The following AGBL4 variants were observed in gnomAD, a reference collection of about 807,000 sequenced individuals.
AGBL4 encodes the protein cytosolic carboxypeptidase 6.
A neutral mutation model predicts 66.4 loss-of-function variants in AGBL4; 58 were observed. The ratio of observed to expected loss-of-function variants is 0.87; its 90% CI spans 0.71 to 1.09. AGBL4 has a LOEUF of 1.09. Ranked by LOEUF, AGBL4 falls within the 50% of genes least tolerant of loss-of-function variation. The pLI is 0.00. For synonymous variants in AGBL4, 234 were observed against 222.9 expected (o/e 1.05, Z -0.44); for missense variants, 579 against 631.0 (o/e 0.92, Z 0.88).
At chr1:49,519,922 T>C (rs914349194) in intron 3 of AGBL4, among the ~76,000 whole-genome samples, 4 of 152,196 alleles carry the variant, frequency 2.6e-5, no homozygotes, top group African/African-American at 9.6e-5. Flanking sequence ...GATTTTTTAA[T>C]GTTGTCCTTG....
chr1:50,006,577 T>C lies in AGBL4; in HGVS notation c.34+17186A>G, dbSNP rs569900798. Among the ~76,000 whole-genome samples, 43 of 149,730 alleles carry C rather than the reference T, an allele frequency of 2.9e-4. 2 individuals are homozygous for C. The South Asian group carries it at 8.6e-3, about 30-fold the overall frequency. On this transcript the variant is annotated intron_variant, in intron 1 of 13. Coordinates refer to ENST00000371839, the MANE Select transcript of AGBL4 (RefSeq NM_032785.4). ...AGCAAGAGAAAAGAAACAAATAACA[T>C]ACAATGGAGCTCCAATACACCTGGC...
chr1:49,970,226 C>T (rs563548261), intron 1 of AGBL4, among the ~76,000 whole-genome samples: 3 of 151,892 alleles, frequency 2.0e-5, no homozygotes, highest in Admixed American at 1.3e-4. Context: ...AAAACATGAG[C>T]AACAAAAGGA....
intron 1 of AGBL4, among the ~76,000 whole-genome samples, chr1:49,984,991 C>G (rs561840011): frequency 1.1e-4 from 17 of 152,278 alleles, no homozygotes; most frequent in African/African-American, 4.1e-4. Context: ...GCAAAAAACA[C>G]AGACAATTGT....
At chr1:49,039,707 C>T (rs1643893094) in intron 5 of AGBL4, among the ~76,000 whole-genome samples, 1 of 152,022 alleles carries the variant, frequency 6.6e-6, no homozygotes, top group Admixed American at 6.6e-5. Flanking sequence ...GAACTATACA[C>T]TTAAATGTAG....
intron 3 of AGBL4, among the ~76,000 whole-genome samples, chr1:49,673,712 G>T (rs541624328): frequency 9.2e-5 from 14 of 152,026 alleles, no homozygotes; most frequent in South Asian, 6.2e-4. Context: ...GTTTGTCTAG[G>T]TATTCTGTTG....
chr1:48,764,233 C>G (rs1021254277), intron 6 of AGBL4, among the ~76,000 whole-genome samples: 3 of 152,228 alleles, frequency 2.0e-5, no homozygotes, highest in Non-Finnish European at 4.4e-5. Context: ...GGCATTTGAG[C>G]TAGACTCCTT....
At chr1:48,599,854 G>A (rs1645049060) in intron 9 of AGBL4, among the ~76,000 whole-genome samples, 1 of 152,146 alleles carries the variant, frequency 6.6e-6, no homozygotes, top group Non-Finnish European at 1.5e-5. Flanking sequence ...CTGGGGGAGA[G>A]GACTGGACTG....
At chr1:49,267,259 G>C (rs1643942503) in intron 3 of AGBL4, among the ~76,000 whole-genome samples, 1 of 152,140 alleles carries the variant, frequency 6.6e-6, no homozygotes, top group Admixed American at 6.5e-5. Context: ...CCTAGTTGTA[G>C]CTATGTATGG....
intron 3 of AGBL4, among the ~76,000 whole-genome samples, chr1:49,485,140 A>G (rs538223799): frequency 9.2e-5 from 14 of 152,080 alleles, no homozygotes; most frequent in Admixed American, 5.2e-4. Context: ...TCATGCTGCT[A>G]TAAAGACACA....
chr1:48,971,877 G>A (rs1039965615), intron 5 of AGBL4, among the ~76,000 whole-genome samples: 6 of 152,128 alleles, frequency 3.9e-5, no homozygotes, highest in Admixed American at 2.0e-4. Context: ...AGTATACAAA[G>A]ACTTGCCTCC....
intron 3 of AGBL4, among the ~76,000 whole-genome samples, chr1:49,591,502 G>A (rs1317167338): frequency 6.6e-6 from 1 of 152,134 alleles, no homozygotes; most frequent in East Asian, 1.9e-4. Context: ...TCGTTAAAAT[G>A]ACCATACTGC....
chr1:48,567,441 T>C (rs1195851290), intron 11 of AGBL4, among the ~76,000 whole-genome samples: 2 of 152,128 alleles, frequency 1.3e-5, no homozygotes, highest in African/African-American at 4.8e-5. Flanking sequence ...ATGGAGGGAC[T>C]GAGGAGGGGG....
At chr1:49,306,993 A>T (rs931636308) in intron 3 of AGBL4, among the ~76,000 whole-genome samples, 2 of 152,172 alleles carry the variant, frequency 1.3e-5, no homozygotes, top group African/African-American at 4.8e-5. Flanking sequence ...TGTTCTGTAC[A>T]CTATACATGT....
At chr1:49,507,980 T>C (rs1200454540) in intron 3 of AGBL4, among the ~76,000 whole-genome samples, 2 of 151,916 alleles carry the variant, frequency 1.3e-5, no homozygotes, top group African/African-American at 2.4e-5. Context: ...CTCACATAAT[T>C]GTTCAATCAA....
At chr1:49,481,610 C>G (rs1443190547) in intron 3 of AGBL4, among the ~76,000 whole-genome samples, 2 of 151,732 alleles carry the variant, frequency 1.3e-5, no homozygotes, top group African/African-American at 4.8e-5. Context: ...ATTTGAATAC[C>G]CTTTATTTCT....
intron 1 of AGBL4, among the ~76,000 whole-genome samples, chr1:49,986,248 AGTAAACCCT>A (rs1659495961): frequency 6.6e-6 from 1 of 152,100 alleles, no homozygotes. Flanking sequence ...CCTCCCCAAA[AGTAAACCCT>A]GTTCTGACTT....
chr1:48,960,452 G>C (rs1657871876), intron 5 of AGBL4, among the ~76,000 whole-genome samples: 1 of 152,146 alleles, frequency 6.6e-6, no homozygotes, highest in South Asian at 2.1e-4. Flanking sequence ...AAATTTAGGA[G>C]TCATCAGCTA....
chr1:49,847,813 T>G (rs113726362), intron 2 of AGBL4, among the ~76,000 whole-genome samples: 2,750 of 152,064 alleles, frequency 0.018, 79 homozygotes, highest in African/African-American at 0.063. Context: ...GCCATTCTCC[T>G]GCCTCAGTCT....
At chr1:48,780,801 G>A (rs1645274640) in intron 6 of AGBL4, among the ~76,000 whole-genome samples, 1 of 152,124 alleles carries the variant, frequency 6.6e-6, no homozygotes, top group African/African-American at 2.4e-5. Flanking sequence ...ACACTTAAAT[G>A]TAAGACCTAA....
Sources: allele counts gnomAD v4.1 joint callset (sites outside exome capture counted in the v4.1 genomes callset), GRCh38; gene constraint gnomAD v4.1.1; transcripts MANE v1.5; gene names NCBI Gene and HGNC (gene_info 2026-07-23, HGNC 2026-07-21).